Variants in LY86 observed in about 807,000 individuals in gnomAD.
LY86 encodes lymphocyte antigen 86.
Under a neutral mutation model 17.3 loss-of-function variants are expected in LY86, and 20 were observed. The ratio of observed to expected loss-of-function variants is 1.15; its 90% CI spans 0.81 to 1.68. The LOEUF is 1.68. Ranked by LOEUF, LY86 falls within the 40% of genes most tolerant of loss-of-function variation. The pLI is 0.00. For synonymous variants in LY86, 74 were observed against 70.6 expected (o/e 1.05, Z -0.24); for missense variants, 200 against 191.9 (o/e 1.04, Z -0.25).
chr6:6,600,009 T>TC (rs1210441880), intron 1 of LY86, among the ~76,000 whole-genome samples: 2 of 152,122 alleles, frequency 1.3e-5, no homozygotes, highest in African/African-American at 4.8e-5. Context: ...TAGGCAGCCC[T>TC]CCTCTTAGGG....
intron 1 of LY86, among the ~76,000 whole-genome samples, chr6:6,592,480 C>A (rs959569566): frequency 6.6e-6 from 1 of 152,132 alleles, no homozygotes; most frequent in Non-Finnish European, 1.5e-5. Context: ...GACAGAAATA[C>A]TTATGATTGG....
chr6:6,596,748 G>A (rs1336654419), intron 1 of LY86, among the ~76,000 whole-genome samples: 1 of 152,156 alleles, frequency 6.6e-6, no homozygotes, highest in Non-Finnish European at 1.5e-5. Context: ...AGCAAGCCAC[G>A]TAGGTGTGTT....
At chr6:6,597,384 CT>C (rs1760747912) in intron 1 of LY86, among the ~76,000 whole-genome samples, 2 of 152,184 alleles carry the variant, frequency 1.3e-5, no homozygotes. Context: ...GGGAGCAGGG[CT>C]GAGGATGGAG....
intron 1 of LY86, among the ~76,000 whole-genome samples, chr6:6,607,009 C>T (rs1376023839): frequency 4.6e-5 from 7 of 152,244 alleles, no homozygotes; most frequent in Non-Finnish European, 1.0e-4. Context: ...AGAAGCAAGT[C>T]ACTGGGCTAC....
At chr6:6,629,824 A>G (rs1297969538) in intron 3 of LY86, among the ~76,000 whole-genome samples, 2 of 152,234 alleles carry the variant, frequency 1.3e-5, no homozygotes, top group Admixed American at 1.3e-4. Flanking sequence ...TGTGGAGGAA[A>G]TAGCGTATAT....
At chr6:6,645,032 G>A (rs1282369892) in intron 3 of LY86, among the ~76,000 whole-genome samples, 2 of 152,130 alleles carry the variant, frequency 1.3e-5, no homozygotes, top group East Asian at 1.9e-4. Flanking sequence ...CCCAGTGAAG[G>A]ACCTCTTAAT....
chr6:6,649,491 A>G, intron 3 of LY86, 134 bp from the exon 4 acceptor site: 1 of 471,362 alleles, frequency 2.1e-6, no homozygotes, highest in Non-Finnish European at 3.7e-6. Context: ...CAGGAAATGA[A>G]AACATTTCTA....
intron 1 of LY86, 39 bp from the exon 2 acceptor site, chr6:6,624,887 G>T (rs749837341): frequency 2.2e-6 from 2 of 909,722 alleles, no homozygotes; most frequent in South Asian, 1.5e-5. Context: ...CAAAATATAC[G>T]ATGTACTCGC....
chr6:6,615,430 C>T, intron 1 of LY86, among the ~76,000 whole-genome samples: 1 of 152,124 alleles, frequency 6.6e-6, no homozygotes. Context: ...TAACTTAAAG[C>T]TTGGCTGAAG....
intron 1 of LY86, among the ~76,000 whole-genome samples, chr6:6,600,463 C>T (rs748544600): frequency 5.3e-5 from 8 of 151,542 alleles, no homozygotes; most frequent in South Asian, 2.1e-4. Flanking sequence ...TGGTGGTGGA[C>T]GCCTGTAATC....
chr6:6,625,942 G>A lies in LY86; in HGVS notation c.224-351G>A, dbSNP rs534357377. Among the ~76,000 whole-genome samples, 13 of 152,258 alleles carry A rather than the reference G, an allele frequency of 8.5e-5. 1 individual carries two copies. In the East Asian group the frequency reaches 1.5e-3, roughly 18 times the overall value. On this transcript the variant is annotated intron_variant, in intron 2 of 4. Transcript: ENST00000230568. ...TATGTAGGCGTGACCACACCCCACC[G>A]CCATCATGGGGAACAAATGATACTA...
At chr6:6,649,276 C>G (rs1312109172) in intron 3 of LY86, among the ~76,000 whole-genome samples, 1 of 152,192 alleles carries the variant, frequency 6.6e-6, no homozygotes, top group Non-Finnish European at 1.5e-5. Flanking sequence ...CCACTGGGTC[C>G]CTCCCATGAC....
intron 1 of LY86, among the ~76,000 whole-genome samples, chr6:6,617,833 T>A (rs1761589841): frequency 6.6e-6 from 1 of 152,094 alleles, no homozygotes; most frequent in Non-Finnish European, 1.5e-5. Context: ...TTTTGTTTTG[T>A]TTTTTGTTTG....
chr6:6,643,398 A>C (rs1762066837), intron 3 of LY86, among the ~76,000 whole-genome samples: 1 of 152,256 alleles, frequency 6.6e-6, no homozygotes, highest in African/African-American at 2.4e-5. Context: ...CCTTATGCTA[A>C]ATGAAATAAG....
intron 1 of LY86, among the ~76,000 whole-genome samples, chr6:6,612,431 C>T (rs1264835215): frequency 1.3e-5 from 2 of 152,176 alleles, no homozygotes; most frequent in African/African-American, 2.4e-5. Flanking sequence ...ATAAAAGAAA[C>T]CGCAAACCTT....
intron 4 of LY86, 92 bp from the exon 5 acceptor site, chr6:6,654,452 C>A: frequency 3.2e-6 from 3 of 939,474 alleles, no homozygotes; most frequent in South Asian, 1.5e-5. Context: ...CAGAACAGCA[C>A]CCAGCACATA....
At chr6:6,647,900 G>T (rs1265974010) in intron 3 of LY86, among the ~76,000 whole-genome samples, 1 of 151,570 alleles carries the variant, frequency 6.6e-6, no homozygotes, top group African/African-American at 2.4e-5. Flanking sequence ...TTCCAGACTT[G>T]TATAGCCAAC....
chr6:6,598,097 CT>C (rs1356789983), intron 1 of LY86, among the ~76,000 whole-genome samples: 4 of 152,184 alleles, frequency 2.6e-5, no homozygotes, highest in Admixed American at 2.6e-4. Context: ...TTAAATATCC[CT>C]TTAAACAATT....
At position 6,588,853 on chromosome 6, in the gene LY86, T is replaced by G. The variant is rs1760435583; in HGVS notation, c.119T>G (p.Val40Gly). 6.2e-7 allele frequency: 1 copy of G among 1,614,010 alleles called. No individual in the cohort carries two copies. Among genetic ancestry groups the G allele is most frequent in the Non-Finnish European group, 8.5e-7 (1 of 1,179,932 alleles). ...HVVCSDSGLEVLYQSCDPLQD... is the reference protein window; with the variant it reads ...HVVCSDSGLEGLYQSCDPLQD... Reference sequence around the variant, plus strand: ...GTCTGTAGCGACAGCGGCTTGGAAGTGCTCTACCAGAGTTGCGGTAAGCCC... The same window carrying G: ...GTCTGTAGCGACAGCGGCTTGGAAGGGCTCTACCAGAGTTGCGGTAAGCCC... Residue 40 changes from valine (V) to glycine (G), a missense_variant, in exon 1 of 5, where the codon GTG becomes GGG. By Grantham distance (109) the Val-to-Gly change is moderately radical. Transcript: ENST00000230568.
Sources: gnomAD v4.1 joint callset for allele counts (sites outside exome capture counted in the v4.1 genomes callset) on GRCh38, gnomAD v4.1.1 for gene constraint, MANE v1.5 for transcripts, NCBI Gene and HGNC (gene_info 2026-07-23, HGNC 2026-07-21) for gene names.